Variants in PMP2 observed in about 807,000 individuals in gnomAD.
PMP2 encodes the protein myelin P2 protein.
PMP2 carries 11 observed loss-of-function variants against 15.9 expected under a neutral mutation model. The ratio of observed to expected loss-of-function variants is 0.69; its 90% CI spans 0.44 to 1.14. The LOEUF is 1.14. PMP2 is among the 50% of genes most tolerant of loss of function. The pLI is 0.00. For missense variants in PMP2, 151 were observed against 154.0 expected, an observed-to-expected ratio of 0.98 and a Z score of 0.10; for synonymous variants, 55 against 54.1, an observed-to-expected ratio of 1.02 and a Z score of -0.07.
rs939876272 is a variant in PMP2 at position 81,440,410 on chromosome 8, G to A, written c.*2988C>T. On this transcript the variant is annotated 3_prime_UTR_variant, in exon 4 of 4. Transcript: ENST00000256103. ...ATCACAAATCTCTAAAAATAACAAC[G>A]CAGTTTTTAAACTCGTATTTTGTGA... is the stretch of plus-strand genomic sequence containing the variant. 5.3e-5 allele frequency: 8 copies of A among 152,182 alleles called. No individual in the cohort carries two copies. Among genetic ancestry groups the A allele is most frequent in the Non-Finnish European group, 8.8e-5 (6 of 68,016 alleles). The allele number at this position is 152,182 out of a possible 1,614,324, so 9.4% of individuals were successfully genotyped here.
Position 81,444,596 on chromosome 8 carries a change from G to C in PMP2, c.252C>G (p.Ile84Met), listed in dbSNP as rs149339630. The change falls in exon 3 of 4, where the codon ATC (isoleucine) becomes ATG (methionine). Residue 84 changes from isoleucine to methionine, a missense_variant. By Grantham distance (10) the Ile-to-Met change is conservative. Transcript: ENST00000256103. ...TTADNRKTKS[I>M]VTLQRGSLNQ... ...TCAGTGATCCTCTCTGCAGGGTTAC[G>C]ATGCTCTGCAAAGACAAGGTCATGC... The C allele has an allele frequency of 2.1e-5, 34 of 1,611,282 alleles. No individual in the cohort carries two copies. The highest frequency in any genetic ancestry group is 1.0e-4 in the Admixed American group (6 of 59,616).
In PMP2 at chr8:81,441,546, CTATCTATCTATCTATCTATA is replaced by C. The variant is rs1284880040; in HGVS notation, c.*1832_*1851del. ...TCTATCTATCTATCTATCTATCTATCTATCTATCTATCTATCTATATATCTATCTATCATCTGTCAGTCAT... is the reference window on the plus strand; with the variant it reads ...TCTATCTATCTATCTATCTATCTATCTATCTATCTATCATCTGTCAGTCAT... On this transcript the variant is annotated 3_prime_UTR_variant, in exon 4 of 4. Coordinates refer to ENST00000256103, the MANE Select transcript of PMP2 (RefSeq NM_002677.5). 11 of 151,894 alleles carry C rather than the reference CTATCTATCTATCTATCTATA, an allele frequency of 7.2e-5. No individual in the cohort carries two copies. The highest frequency in any genetic ancestry group is 2.4e-4 in the African/African-American group (10 of 41,380). 9.4% of individuals were successfully genotyped at this position (151,894 alleles called of 1,614,324 possible).
Position 81,441,643 on chromosome 8 carries a change from C to A in PMP2, c.*1755G>T, listed in dbSNP as rs1387390990. On this transcript the variant is annotated 3_prime_UTR_variant, in exon 4 of 4. Coordinates refer to ENST00000256103, the MANE Select transcript of PMP2 (RefSeq NM_002677.5). Reference sequence around the variant, plus strand: ...TATATCAGTATGGATTCATGGATTTCTATTTTTTCCCAATGGAATTGGGAA... The same window carrying A: ...TATATCAGTATGGATTCATGGATTTATATTTTTTCCCAATGGAATTGGGAA... 2 of 151,812 alleles carry A rather than the reference C, an allele frequency of 1.3e-5. No homozygotes were observed. Among genetic ancestry groups the A allele is most frequent in the African/African-American group, 2.4e-5 (1 of 41,338 alleles). The allele number at this position is 151,812 out of a possible 1,614,324, so 9.4% of individuals were successfully genotyped here.
chr8:81,443,357 C>A lies in PMP2; in HGVS notation c.*41G>T, dbSNP rs913252726. On this transcript the variant is annotated 3_prime_UTR_variant, in exon 4 of 4. Transcript: ENST00000256103. ...GTCAATGGAAGCAATTGATTTCCAT[C>A]ATTAAATGATAAAAAGCCACTTCAA... is the stretch of plus-strand genomic sequence containing the variant. 2.9e-6 allele frequency: 4 copies of A among 1,369,044 alleles called. No homozygotes were observed. The highest frequency in any genetic ancestry group is 4.1e-6 in the Non-Finnish European group (4 of 975,112). The allele number at this position is 1,369,044 out of a possible 1,614,324, so 84.8% of individuals were successfully genotyped here. A position where few individuals can be genotyped will look rare whatever the true frequency, so the allele number is the denominator to read the frequency against.
intron 1 of PMP2, among the ~76,000 whole-genome samples, chr8:81,446,905 A>G (rs1807458238): frequency 6.6e-6 from 1 of 152,204 alleles, no homozygotes; most frequent in African/African-American, 2.4e-5. Flanking sequence ...AAATTTTTAA[A>G]TTGAGATTTT....
rs1364885039 is a variant in PMP2 at position 81,441,746 on chromosome 8, C to T, written c.*1652G>A. Reference sequence around the variant, plus strand: ...TGCTCTCAGATTGGCTCAAGTTTGGCCAGTGGGAGCCCCTTCAAGCTGGCT... The same window carrying T: ...TGCTCTCAGATTGGCTCAAGTTTGGTCAGTGGGAGCCCCTTCAAGCTGGCT... On this transcript the variant is annotated 3_prime_UTR_variant, in exon 4 of 4. Transcript: ENST00000256103. 1 of 151,680 alleles carries T rather than the reference C, an allele frequency of 6.6e-6. No individual in the cohort carries two copies. Among genetic ancestry groups the T allele is most frequent in the Non-Finnish European group, 1.5e-5 (1 of 67,894 alleles). 9.4% of individuals were successfully genotyped at this position (151,680 alleles called of 1,614,324 possible). A position where few individuals can be genotyped will look rare whatever the true frequency, so the allele number is the denominator to read the frequency against.
At chr8:81,445,114 C>T in intron 1 of PMP2, 125 bp from the exon 2 acceptor site, 1 of 620,816 alleles carries the variant, frequency 1.6e-6, no homozygotes. Flanking sequence ...TCACTTACTA[C>T]TAAGCATCTC....
Position 81,443,458 on chromosome 8 carries a change from G to A in PMP2, c.349-10C>T. 1 of 1,584,710 alleles carries A rather than the reference G, an allele frequency of 6.3e-7. No homozygotes were observed. The highest frequency in any genetic ancestry group is 8.6e-7 in the Non-Finnish European group (1 of 1,160,330). On this transcript the variant is annotated splice_polypyrimidine_tract_variant and intron_variant, in intron 3 of 3. Coordinates refer to ENST00000256103, the MANE Select transcript of PMP2 (RefSeq NM_002677.5). ...CCTTCATTTTACATTCCTTAAAAAA[G>A]AGAGAGGTTAATTGAGTATCTCAAG...
At chr8:81,444,443 A>T in intron 3 of PMP2, 57 bp downstream of exon 3, 1 of 1,056,058 alleles carries the variant, frequency 9.5e-7, no homozygotes, top group Non-Finnish European at 1.4e-6. Context: ...TGAAAACAAT[A>T]TAATCAAATT....
rs1013240028 is a variant in PMP2 at position 81,443,167 on chromosome 8, G to A, written c.*231C>T. On this transcript the variant is annotated 3_prime_UTR_variant, in exon 4 of 4. Transcript: ENST00000256103. ...AGTTAATTGAATGACATCATCAACTGTTTGTGTCTGGCCAATATATATGCT... is the reference window on the plus strand; with the variant it reads ...AGTTAATTGAATGACATCATCAACTATTTGTGTCTGGCCAATATATATGCT... The A allele has an allele frequency of 7.8e-6, 3 of 383,820 alleles. No individual in the cohort carries two copies. Among genetic ancestry groups the A allele is most frequent in the Non-Finnish European group, 1.4e-5 (3 of 217,274 alleles). 23.8% of individuals were successfully genotyped at this position (383,820 alleles called of 1,614,324 possible).
rs1807357581 is a variant in PMP2, at chr8:81,441,984, G to A, written c.*1414C>T. ...TCTGCTGAGGTGTTTTTGTGTCTAA[G>A]CCATTTTGGCAGATAGGATTAGTAA... On this transcript the variant is annotated 3_prime_UTR_variant, in exon 4 of 4. Transcript: ENST00000256103. The A allele has an allele frequency of 6.6e-6, 1 of 151,984 alleles. No individual in the cohort carries two copies. Among genetic ancestry groups the A allele is most frequent in the Non-Finnish European group, 1.5e-5 (1 of 67,934 alleles). 9.4% of individuals were successfully genotyped at this position (151,984 alleles called of 1,614,324 possible). A position where few individuals can be genotyped will look rare whatever the true frequency, so the allele number is the denominator to read the frequency against.
At position 81,442,659 on chromosome 8, in the gene PMP2, A is replaced by T. The variant is rs1227175993; in HGVS notation, c.*739T>A. 2.6e-5 allele frequency: 4 copies of T among 152,160 alleles called. No homozygotes were observed. The highest frequency in any genetic ancestry group is 9.7e-5 in the African/African-American group (4 of 41,432). 9.4% of individuals were successfully genotyped at this position (152,160 alleles called of 1,614,324 possible). A position where few individuals can be genotyped will look rare whatever the true frequency, so the allele number is the denominator to read the frequency against. The stretch of plus-strand genomic sequence containing the variant: ...CAATTCCCTTCATATGAGCAGGTAA[A>T]ATTAATCTATATGATAGAAACCAAA... On this transcript the variant is annotated 3_prime_UTR_variant, in exon 4 of 4. Coordinates refer to ENST00000256103, the MANE Select transcript of PMP2 (RefSeq NM_002677.5).
chr8:81,447,086 T>C (rs1297747784), intron 1 of PMP2, among the ~76,000 whole-genome samples: 2 of 152,166 alleles, frequency 1.3e-5, no homozygotes. Context: ...CAGTGGGCAT[T>C]CCATGCATTT....
intron 1 of PMP2, among the ~76,000 whole-genome samples, chr8:81,445,360 G>A (rs923322466): frequency 5.9e-5 from 9 of 152,106 alleles, no homozygotes; most frequent in African/African-American, 9.7e-5. Context: ...GAGTAGCTGG[G>A]ACTACAGGGG....
At chr8:81,444,777 G>C (rs1290543710) in intron 2 of PMP2, 40 bp downstream of exon 2, 1 of 1,578,900 alleles carries the variant, frequency 6.3e-7, no homozygotes, top group Admixed American at 1.7e-5. Flanking sequence ...CTCTCAAGCA[G>C]CCCACTGGGC....
At position 81,444,960 on chromosome 8, in the gene PMP2, T is replaced by A; in HGVS notation, c.103A>T (p.Asn35Tyr). The A allele has an allele frequency of 6.2e-7, 1 of 1,613,580 alleles. No individual in the cohort carries two copies. Among genetic ancestry groups the A allele is most frequent in the Non-Finnish European group, 8.5e-7 (1 of 1,179,798 alleles). Residue 35 changes from asparagine (N) to tyrosine (Y), a missense_variant, in exon 2 of 4, where the codon AAT becomes TAT. Transcript: ENST00000256103. Reference sequence around the variant, plus strand: ...ATGATCACAGTGGGTTTGGCCAAATTTCCCAGTTTTCTGGTGGCTAACCCC... The same window carrying A: ...ATGATCACAGTGGGTTTGGCCAAATATCCCAGTTTTCTGGTGGCTAACCCC... ...GVGLATRKLG[N>Y]LAKPTVIISK...
At chr8:81,445,752 T>C (rs1807438507) in intron 1 of PMP2, among the ~76,000 whole-genome samples, 2 of 152,220 alleles carry the variant, frequency 1.3e-5, no homozygotes, top group African/African-American at 2.4e-5. Flanking sequence ...TACCATATTA[T>C]GGATATAGAG....
Position 81,442,605 on chromosome 8 carries a change from A to G in PMP2, c.*793T>C, listed in dbSNP as rs532500117. ...CAAAAACATGATGCTGAATTTAAAA[A>G]AGGCAAACAGAAAAGAATGCATGAT... On this transcript the variant is annotated 3_prime_UTR_variant, in exon 4 of 4. Transcript: ENST00000256103. The G allele has an allele frequency of 6.6e-6, 1 of 152,600 alleles. No individual in the cohort carries two copies. Among genetic ancestry groups the G allele is most frequent in the East Asian group, 1.9e-4 (1 of 5,192 alleles). The allele number at this position is 152,600 out of a possible 1,614,324, so 9.5% of individuals were successfully genotyped here. A position where few individuals can be genotyped will look rare whatever the true frequency, so the allele number is the denominator to read the frequency against.
At position 81,442,447 on chromosome 8, in the gene PMP2, C is replaced by T. The variant is rs1049750864; in HGVS notation, c.*951G>A. 2 of 152,462 alleles carry T rather than the reference C, an allele frequency of 1.3e-5. No homozygotes were observed. Among genetic ancestry groups the T allele is most frequent in the African/African-American group, 4.8e-5 (2 of 41,432 alleles). The allele number at this position is 152,462 out of a possible 1,614,324, so 9.4% of individuals were successfully genotyped here. ...ATATTTGTAGCAGCTTTATTCATAG[C>T]AGCCGAAAATTAGAAATAGCTCAAT... On this transcript the variant is annotated 3_prime_UTR_variant, in exon 4 of 4. Coordinates refer to ENST00000256103, the MANE Select transcript of PMP2 (RefSeq NM_002677.5).
Sources: gnomAD v4.1 joint callset for allele counts (sites outside exome capture counted in the v4.1 genomes callset) on GRCh38, gnomAD v4.1.1 for gene constraint, MANE v1.5 for transcripts, NCBI Gene and HGNC (gene_info 2026-07-23, HGNC 2026-07-21) for gene names.